The following ZFAND2B variants were observed in gnomAD, a reference collection of about 807,000 sequenced individuals.
The protein encoded by ZFAND2B is zinc finger AN1-type containing 2B, also known as AN1-type zinc finger protein 2B.
ZFAND2B carries 27 observed loss-of-function variants against 38.2 expected under a neutral mutation model. The ratio of observed to expected loss-of-function variants is 0.71; its 90% CI spans 0.52 to 0.97. The LOEUF is 0.97. ZFAND2B is among the 50% of genes least tolerant of loss of function. The pLI is 0.00. For missense variants in ZFAND2B, 303 were observed against 331.5 expected (o/e 0.91, Z 0.67); for synonymous variants, 111 against 119.4 (o/e 0.93, Z 0.46).
At position 219,207,745 on chromosome 2, in the gene ZFAND2B, A is replaced by G. The variant is rs747547425; in HGVS notation, c.248A>G (p.Asp83Gly). 13 of 1,613,982 alleles carry G rather than the reference A, an allele frequency of 8.1e-6. No individual in the cohort carries two copies. Among genetic ancestry groups the G allele is most frequent in the Non-Finnish European group, 1.0e-5 (12 of 1,180,034 alleles). Reference protein sequence around the residue: ...DRAVGEHIDRDCRSDPAQQKR... With the variant: ...DRAVGEHIDRGCRSDPAQQKR... ...GCTGTGGGAGAGCACATTGACAGAG[A>G]CTGTCGCTCTGATCCAGCACAGCAA... Residue 83 changes from aspartate (D) to glycine (G), a missense_variant, in exon 3 of 9, where the codon GAC becomes GGC. Physicochemically the swap from Asp to Gly is moderately conservative, Grantham distance 94. Transcript: ENST00000289528.
rs1402536183 is a variant in ZFAND2B at position 219,207,775 on chromosome 2, G to GT, written c.279dup (p.Lys94Ter). The GT allele has an allele frequency of 1.2e-6, 2 of 1,614,154 alleles. No individual in the cohort carries two copies. The highest frequency in any genetic ancestry group is 1.7e-6 in the Non-Finnish European group (2 of 1,180,028). On this transcript the variant is annotated frameshift_variant, in exon 3 of 9. Transcript: ENST00000289528. LOFTEE classifies it high-confidence loss of function. ...CGCTCTGATCCAGCACAGCAAAAAC[G>GT]TAAGGTAAACATTGTAGGGGTCAGC...
chr2:219,207,248 C>T, intron 1 of ZFAND2B, 79 bp from the exon 2 acceptor site: 1 of 1,520,762 alleles, frequency 6.6e-7, no homozygotes, highest in Non-Finnish European at 9.1e-7. Flanking sequence ...TGGCGTTTTC[C>T]TTCCCGAGTG....
rs764186621 is a variant in ZFAND2B, at chr2:219,207,362, ATCT to A, written c.95_97del (p.Phe32del). On this transcript the variant is annotated inframe_deletion, in exon 2 of 9. Coordinates refer to ENST00000289528, the MANE Select transcript of ZFAND2B (RefSeq NM_138802.3). ...GCTTAAGTGTGATGCCTGCTCAGGC[ATCT>A]TCTGCGCAGACCATGTGGCCTACGC... 1 of 1,613,880 alleles carries A rather than the reference ATCT, an allele frequency of 6.2e-7. No individual in the cohort carries two copies. The highest frequency in any genetic ancestry group is 8.5e-7 in the Non-Finnish European group (1 of 1,179,756).
intron 4 of ZFAND2B, 100 bp from the exon 5 acceptor site, chr2:219,208,156 T>A (rs1391723922): frequency 1.3e-6 from 2 of 1,595,766 alleles, no homozygotes; most frequent in East Asian, 4.5e-5. Flanking sequence ...GGGAGTCTTT[T>A]AGCTTCCTTT....
chr2:219,208,660 A>G, intron 7 of ZFAND2B, 21 bp downstream of exon 7: 1 of 1,613,674 alleles, frequency 6.2e-7, no homozygotes, highest in Non-Finnish European at 8.5e-7. Flanking sequence ...CTCTTGTGAA[A>G]GAGAGCGCAA....
chr2:219,208,936 G>C, intron 7 of ZFAND2B, 41 bp from the exon 8 acceptor site: 2 of 1,603,552 alleles, frequency 1.2e-6, no homozygotes, highest in Non-Finnish European at 1.7e-6. Context: ...TCAAATTTCA[G>C]ATCTTACCAT....
Position 219,207,999 on chromosome 2 carries a change from A to G in ZFAND2B, c.395A>G (p.His132Arg). The stretch of plus-strand genomic sequence containing the variant: ...ATCAAGCACCGGCATCCACTGGACC[A>G]TGATTGCTCTGGGGAGGGGCACCCA... ...FCIKHRHPLD[H>R]DCSGEGHPTS... Residue 132 changes from histidine (H) to arginine (R), a missense_variant, in exon 4 of 9, where the codon CAT (histidine) becomes CGT (arginine). Physicochemically the swap from His to Arg is conservative, Grantham distance 29. Transcript: ENST00000289528. 6.2e-7 allele frequency: 1 copy of G among 1,614,160 alleles called. No individual in the cohort carries two copies. The highest frequency in any genetic ancestry group is 8.5e-7 in the Non-Finnish European group (1 of 1,180,028).
At chr2:219,208,203 TC>T in intron 4 of ZFAND2B, 52 bp from the exon 5 acceptor site, 1 of 1,608,560 alleles carries the variant, frequency 6.2e-7, no homozygotes, top group Non-Finnish European at 8.5e-7. Context: ...CCTCCTGACT[TC>T]CTGGGTAAGG....
chr2:219,207,460 A>G (rs1450440497), intron 2 of ZFAND2B, 39 bp downstream of exon 2: 2 of 1,597,524 alleles, frequency 1.3e-6, no homozygotes, highest in Non-Finnish European at 1.7e-6. Flanking sequence ...AGGCAGATGG[A>G]GAATGCGTGC....
At chr2:219,208,522 C>G (rs372843631) in intron 6 of ZFAND2B, 36 bp downstream of exon 6, 2 of 1,614,222 alleles carry the variant, frequency 1.2e-6, no homozygotes, top group Admixed American at 3.3e-5. Context: ...CAGAAACAAA[C>G]ACACAGAGAG....
rs923486333 is a variant in ZFAND2B, at chr2:219,206,885, G to C, written c.-103G>C. On this transcript the variant is annotated 5_prime_UTR_variant, in exon 1 of 9. Transcript: ENST00000289528. ...GCGGGGGAGAGGAAGGGGCGGGGCAGGGAGCCCGCCAGAGTGCGGGGTCGC... is the reference window on the plus strand; with the variant it reads ...GCGGGGGAGAGGAAGGGGCGGGGCACGGAGCCCGCCAGAGTGCGGGGTCGC... 4 of 1,299,182 alleles carry C rather than the reference G, an allele frequency of 3.1e-6. No homozygotes were observed. In the South Asian group the frequency reaches 4.0e-5, roughly 13 times the overall value. 80.5% of individuals were successfully genotyped at this position (1,299,182 alleles called of 1,614,324 possible).
chr2:219,207,548 T>G, intron 2 of ZFAND2B, 100 bp from the exon 3 acceptor site: 12 of 1,591,496 alleles, frequency 7.5e-6, no homozygotes, highest in Non-Finnish European at 1.0e-5. Flanking sequence ...AAACACTGTT[T>G]TTTTGCGTGT....
Position 219,209,613 on chromosome 2 carries a change from G to GA in ZFAND2B, c.*313dup, listed in dbSNP as rs1190620853. On this transcript the variant is annotated 3_prime_UTR_variant, in exon 9 of 9. Coordinates refer to ENST00000289528, the MANE Select transcript of ZFAND2B (RefSeq NM_138802.3). The stretch of plus-strand genomic sequence containing the variant: ...TGTGGAGTGGGCAGGAAGGGGCCTG[G>GA]AAAAAATAAAGGATCTTGGCAGTTG... The GA allele has an allele frequency of 1.4e-5, 9 of 648,778 alleles. No individual in the cohort carries two copies. Among genetic ancestry groups the GA allele is most frequent in the Admixed American group, 4.6e-5 (2 of 43,302 alleles). The allele number at this position is 648,778 out of a possible 1,614,324, so 40.2% of individuals were successfully genotyped here.
Position 219,209,279 on chromosome 2 carries a change from G to A in ZFAND2B, c.747G>A (p.Ser249=). Reference sequence around the variant, plus strand: ...TGCTCTAGGCCCAGAGCCGCAGCTCGAAGCCGTCCAACTGCAGCCTGTGCT... The same window carrying A: ...TGCTCTAGGCCCAGAGCCGCAGCTCAAAGCCGTCCAACTGCAGCCTGTGCT... ...YQRQQAQSRS[S]KPSNCSLC The change falls in exon 9 of 9, where the codon TCG becomes TCA. Residue 249 remains serine, a synonymous_variant. Transcript: ENST00000289528. 1.9e-6 allele frequency: 3 copies of A among 1,610,578 alleles called. No individual in the cohort carries two copies. Among genetic ancestry groups the A allele is most frequent in the South Asian group, 1.1e-5 (1 of 90,352 alleles).
Position 219,206,844 on chromosome 2 carries a change from C to T in ZFAND2B, c.-144C>T. On this transcript the variant is annotated 5_prime_UTR_variant, in exon 1 of 9. Coordinates refer to ENST00000289528, the MANE Select transcript of ZFAND2B (RefSeq NM_138802.3). ...CGGGGGCCGGCTGGCGCGGGGGCTC[C>T]GGTAACCCGGGCTGGGCGGGGGAGA... 8.1e-6 allele frequency: 7 copies of T among 868,968 alleles called. No individual in the cohort carries two copies. Among genetic ancestry groups the T allele is most frequent in the Non-Finnish European group, 9.7e-6 (6 of 616,138 alleles). The allele number at this position is 868,968 out of a possible 1,614,324, so 53.8% of individuals were successfully genotyped here.
chr2:219,206,944 T>C lies in ZFAND2B; in HGVS notation c.-44T>C. 6.2e-7 allele frequency: 1 copy of C among 1,607,766 alleles called. No homozygotes were observed. Among genetic ancestry groups the C allele is most frequent in the Non-Finnish European group, 8.5e-7 (1 of 1,176,894 alleles). On this transcript the variant is annotated 5_prime_UTR_variant, in exon 1 of 9. Coordinates refer to ENST00000289528, the MANE Select transcript of ZFAND2B (RefSeq NM_138802.3). ...CTTCGAGCACGAGCCCTAAAGACGCTCAGCACTCGTCGCTTCTCCTAGCAG... is the reference window on the plus strand; with the variant it reads ...CTTCGAGCACGAGCCCTAAAGACGCCCAGCACTCGTCGCTTCTCCTAGCAG...
chr2:219,207,398 C>T lies in ZFAND2B; in HGVS notation c.127C>T (p.His43Tyr), dbSNP rs1010698097. Residue 43 changes from histidine (H) to tyrosine (Y), a missense_variant, in exon 2 of 9, where the codon CAC becomes TAC. Transcript: ENST00000289528. ...CADHVAYAQHHCGSAYQKDIQ... is the reference protein window; with the variant it reads ...CADHVAYAQHYCGSAYQKDIQ... ...AGACCATGTGGCCTACGCCCAGCAT[C>T]ACTGTGGATCTGCTTACCAAAAGGT... 1.9e-6 allele frequency: 3 copies of T among 1,611,348 alleles called. No homozygotes were observed. Among genetic ancestry groups the T allele is most frequent in the Non-Finnish European group, 1.7e-6 (2 of 1,177,700 alleles).
At position 219,209,528 on chromosome 2, in the gene ZFAND2B, G is replaced by C; in HGVS notation, c.*222G>C. On this transcript the variant is annotated 3_prime_UTR_variant, in exon 9 of 9. Transcript: ENST00000289528. ...CTGGTTGGGCCCTCAGTGGATGCTG[G>C]CCAGGCCCTACTCTTAGCCCCTTCA... The C allele has an allele frequency of 1.4e-6, 1 of 708,800 alleles. No individual in the cohort carries two copies. Among genetic ancestry groups the C allele is most frequent in the Non-Finnish European group, 2.6e-6 (1 of 381,976 alleles). 43.9% of individuals were successfully genotyped at this position (708,800 alleles called of 1,614,324 possible). A position where few individuals can be genotyped will look rare whatever the true frequency, so the allele number is the denominator to read the frequency against.
intron 1 of ZFAND2B, 33 bp from the exon 2 acceptor site, chr2:219,207,294 C>G (rs1196245392): frequency 6.3e-7 from 1 of 1,598,738 alleles, no homozygotes; most frequent in Non-Finnish European, 8.6e-7. Context: ...ATCGAGGTCC[C>G]GCTGGACCTG....
Sources: gnomAD v4.1 joint callset for allele counts on GRCh38, gnomAD v4.1.1 for gene constraint, MANE v1.5 for transcripts, NCBI Gene and HGNC (gene_info 2026-07-23, HGNC 2026-07-21) for gene names.